The following CEP104 variants were observed in gnomAD, a reference collection of about 807,000 sequenced individuals.
CEP104 encodes centrosomal protein 104.
Under a neutral mutation model 113.3 loss-of-function variants are expected in CEP104, and 84 were observed. The ratio of observed to expected loss-of-function variants is 0.74; its 90% CI spans 0.62 to 0.89. CEP104 has a LOEUF of 0.89. Among genes scored for constraint, CEP104 ranks in the 40% least tolerant of loss-of-function variants. CEP104 has a pLI of 0.00. For missense variants in CEP104, 1,053 were observed against 1,156.6 expected, an observed-to-expected ratio of 0.91 and a Z score of 1.30; for synonymous variants, 378 against 421.7, an observed-to-expected ratio of 0.90 and a Z score of 1.27.
intron 12 of CEP104, chr1:3,833,632 C>A (rs1644257401): frequency 5.0e-6 from 2 of 397,282 alleles, no homozygotes; most frequent in Non-Finnish European, 8.9e-6. Context: ...AAATTAATGG[C>A]ATATGTTGGA....
chr1:3,821,397 G>C (rs950081357), intron 20 of CEP104, among the ~76,000 whole-genome samples: 1 of 152,260 alleles, frequency 6.6e-6, no homozygotes, highest in African/African-American at 2.4e-5. Flanking sequence ...GAAGATGCTA[G>C]TGACCCAGCT....
intron 6 of CEP104, among the ~76,000 whole-genome samples, chr1:3,842,240 C>T (rs533839371): frequency 3.3e-5 from 5 of 152,094 alleles, no homozygotes; most frequent in South Asian, 4.1e-4. Flanking sequence ...CCACCACGCC[C>T]GGCTAATTTT....
intron 6 of CEP104, chr1:3,843,409 C>T (rs1199327535): frequency 1.9e-6 from 1 of 515,302 alleles, no homozygotes; most frequent in African/African-American, 2.1e-5. Flanking sequence ...CAGGGTCTCA[C>T]TCTGTCACCC....
At chr1:3,837,627 C>T (rs1644340575) in intron 8 of CEP104, 108 bp from the exon 9 acceptor site, 1 of 921,036 alleles carries the variant, frequency 1.1e-6, no homozygotes, top group Non-Finnish European at 1.6e-6. Flanking sequence ...CTGGAAGAGG[C>T]TCCTTGGCAC....
chr1:3,855,526 T>G (rs866290237), intron 1 of CEP104, among the ~76,000 whole-genome samples: 2 of 152,068 alleles, frequency 1.3e-5, no homozygotes, highest in African/African-American at 4.8e-5. Flanking sequence ...ATATAGGACC[T>G]TTTCAGTCAA....
intron 6 of CEP104, among the ~76,000 whole-genome samples, chr1:3,841,191 A>G (rs964360422): frequency 6.6e-6 from 1 of 152,186 alleles, no homozygotes; most frequent in Non-Finnish European, 1.5e-5. Context: ...GTACGTTTTA[A>G]TGAAAACACT....
At chr1:3,846,966 A>G (rs1644519324) in intron 4 of CEP104, among the ~76,000 whole-genome samples, 1 of 152,224 alleles carries the variant, frequency 6.6e-6, no homozygotes, top group Non-Finnish European at 1.5e-5. Context: ...TACATGCAAC[A>G]TTCATGTGTC....
Position 3,823,225 on chromosome 1 carries a change from C to G in CEP104, c.2520G>C (p.Lys840Asn), listed in dbSNP as rs1570774102. ...GACACAGGGGACACCGGTTTGCCAG[C>G]TTCTCCGGTTTGGCAGCTGAAATGA... ...HKDCNPAKPE[K>N]LANRCPLCHE... is the part of the protein sequence containing the mutation. Residue 840 changes from lysine to asparagine, a missense_variant, in exon 20 of 22, where the codon AAG (lysine) becomes AAC (asparagine). Transcript: ENST00000378230. The surrounding 1 kb of genome is among the most constrained non-coding windows in gnomAD (Gnocchi z 4.1). 2 of 1,614,176 alleles carry G rather than the reference C, an allele frequency of 1.2e-6. No individual in the cohort carries two copies. The highest frequency in any genetic ancestry group is 2.7e-5 in the African/African-American group (2 of 75,060).
intron 2 of CEP104, among the ~76,000 whole-genome samples, chr1:3,851,057 G>A (rs1402130471): frequency 6.6e-6 from 1 of 152,126 alleles, no homozygotes; most frequent in African/African-American, 2.4e-5. Context: ...GCCCCCGTGG[G>A]TGTGCTCCTC....
At position 3,849,407 on chromosome 1, in the gene CEP104, T is replaced by C. The variant is rs185677981; in HGVS notation, c.114-626A>G. On this transcript the variant is annotated intron_variant, in intron 2 of 21. Transcript: ENST00000378230. ...CCTCCTGAGGAGTTGGGACCACAGGTGTGTGCCACTGTGCCTGGCTAAAAT... is the reference window on the plus strand; with the variant it reads ...CCTCCTGAGGAGTTGGGACCACAGGCGTGTGCCACTGTGCCTGGCTAAAAT... 6.0e-3 allele frequency among the ~76,000 whole-genome samples: 906 copies of C among 152,078 alleles called. 9 individuals are homozygous for C. The highest frequency in any genetic ancestry group is 0.02 in the African/African-American group (843 of 41,490).
intron 6 of CEP104, 59 bp from the exon 7 acceptor site, chr1:3,839,835 A>C: frequency 7.1e-7 from 1 of 1,398,698 alleles, no homozygotes; most frequent in African/African-American, 1.4e-5. Flanking sequence ...TTCAGTGCTG[A>C]AGATGCACGG....
intron 15 of CEP104, among the ~76,000 whole-genome samples, 167 bp downstream of exon 15, chr1:3,829,099 A>T (rs979305399): frequency 3.3e-5 from 5 of 152,196 alleles, no homozygotes; most frequent in Non-Finnish European, 5.9e-5. Context: ...CCACCTCTCC[A>T]TGGAGGGCTT....
Position 3,839,728 on chromosome 1 carries a change from G to T in CEP104, c.615C>A (p.Tyr205Ter). The change falls in exon 7 of 22, where the codon TAC becomes TAA. Residue 205 changes from tyrosine to a stop codon, truncating the protein, a stop_gained. Transcript: ENST00000378230. LOFTEE classifies it high-confidence loss of function. ...TGATCTGTGCAACTTCTGGATCTTG[G>T]TACATATCAAAAGCTAAGTCATCTA... ...SPLDDLAFDMYQDPEVAQIIR... is the reference protein window; with the variant it reads ...SPLDDLAFDM 1 of 1,613,466 alleles carries T rather than the reference G, an allele frequency of 6.2e-7. No individual in the cohort carries two copies. The highest frequency in any genetic ancestry group is 8.5e-7 in the Non-Finnish European group (1 of 1,179,806).
At chr1:3,837,031 G>A (rs886671424) in intron 9 of CEP104, 1 of 520,458 alleles carries the variant, frequency 1.9e-6, no homozygotes, top group Admixed American at 3.5e-5. Flanking sequence ...TTTCTGACAA[G>A]ATCTCTGATA....
chr1:3,815,588 CCA>C (rs1212811496), intron 21 of CEP104, 71 bp from the exon 22 acceptor site: 15 of 1,070,946 alleles, frequency 1.4e-5, no homozygotes, highest in Non-Finnish European at 2.0e-5. Context: ...GAACCTGTGG[CCA>C]CAGACACCCA....
At chr1:3,832,416 TCC>T (rs1644230076) in intron 12 of CEP104, among the ~76,000 whole-genome samples, 1 of 56,548 alleles carries the variant, frequency 1.8e-5, no homozygotes, top group Non-Finnish European at 4.3e-5. Flanking sequence ...GTAGCGTAGG[TCC>T]TGACCAGGAG....
chr1:3,820,717 C>T lies in CEP104; in HGVS notation c.2571+2457G>A, dbSNP rs142132141. The stretch of plus-strand genomic sequence containing the variant: ...CACCCAAGTCCCTCCAACACAGGGC[C>T]ACTGGGACCCCCGTCACCAGTGGCA... On this transcript the variant is annotated intron_variant, in intron 20 of 21. Coordinates refer to ENST00000378230, the MANE Select transcript of CEP104 (RefSeq NM_014704.4). Among the ~76,000 whole-genome samples, 93 of 152,300 alleles carry T rather than the reference C, an allele frequency of 6.1e-4. 5 individuals are homozygous for T. In the East Asian group the frequency reaches 0.017, roughly 28 times the overall value.
intron 6 of CEP104, among the ~76,000 whole-genome samples, chr1:3,842,236 C>T (rs947673384): frequency 6.6e-6 from 1 of 152,214 alleles, no homozygotes; most frequent in African/African-American, 2.4e-5. Flanking sequence ...CCCGCCACCA[C>T]GCCCGGCTAA....
intron 3 of CEP104, among the ~76,000 whole-genome samples, chr1:3,848,024 A>G (rs1203562592): frequency 1.3e-5 from 2 of 152,096 alleles, no homozygotes; most frequent in African/African-American, 4.8e-5. Flanking sequence ...CAGTAGAGAC[A>G]CGGTTTCACC....
Sources: allele counts gnomAD v4.1 joint callset (sites outside exome capture counted in the v4.1 genomes callset), GRCh38; gene constraint gnomAD v4.1.1; non-coding constraint Gnocchi (gnomAD v3.1); transcripts MANE v1.5; gene names NCBI Gene and HGNC (gene_info 2026-07-23, HGNC 2026-07-21).